GPC5: variants seen among roughly 807,000 people sequenced by gnomAD.
GPC5 encodes the protein glypican-5.
In GPC5, 47 loss-of-function variants were observed where a neutral mutation model predicts 53.9. The observed-to-expected ratio is 0.87, with a 90% CI of 0.69 to 1.11. The LOEUF is 1.11. GPC5 is among the 50% of genes most tolerant of loss of function. The pLI, the probability that GPC5 is intolerant of heterozygous loss-of-function variation, is 0.00. For synonymous variants in GPC5, 286 were observed against 263.3 expected, an observed-to-expected ratio of 1.09 and a Z score of -0.84; for missense variants, 748 against 713.1, an observed-to-expected ratio of 1.05 and a Z score of -0.56.
intron 7 of GPC5, among the ~76,000 whole-genome samples, chr13:92,640,443 G>A (rs1441544541): frequency 6.6e-6 from 1 of 151,992 alleles, no homozygotes; most frequent in Non-Finnish European, 1.5e-5. Context: ...TGTATTTTTA[G>A]TAGAGACGGA....
At chr13:92,042,634 G>T (rs2040950575) in intron 6 of GPC5, among the ~76,000 whole-genome samples, 2 of 152,158 alleles carry the variant, frequency 1.3e-5, no homozygotes, top group East Asian at 1.9e-4. Context: ...TGAGTGAGGG[G>T]TAATCAGATT....
At chr13:92,255,722 C>G (rs1328626280) in intron 7 of GPC5, among the ~76,000 whole-genome samples, 5 of 152,080 alleles carry the variant, frequency 3.3e-5, no homozygotes, top group Non-Finnish European at 5.9e-5. Context: ...TAAATTTCTG[C>G]AGTAACACAG....
At chr13:91,851,429 A>G (rs904131708) in intron 5 of GPC5, among the ~76,000 whole-genome samples, 2 of 152,102 alleles carry the variant, frequency 1.3e-5, no homozygotes, top group African/African-American at 4.8e-5. Context: ...GACCAAAGAC[A>G]TTACTGTACA....
chr13:91,714,425 C>G (rs2036291077), intron 3 of GPC5, among the ~76,000 whole-genome samples: 1 of 152,190 alleles, frequency 6.6e-6, no homozygotes, highest in Non-Finnish European at 1.5e-5. Flanking sequence ...CATTCAAGCT[C>G]TGTCCATTGA....
intron 6 of GPC5, among the ~76,000 whole-genome samples, chr13:92,053,311 C>T (rs530635878): frequency 7.6e-4 from 116 of 152,236 alleles, no homozygotes; most frequent in Admixed American, 2.7e-3. Context: ...TATCTCCCAC[C>T]GACGTCAAAG....
At chr13:92,720,696 C>G (rs1854519748) in intron 7 of GPC5, among the ~76,000 whole-genome samples, 1 of 151,908 alleles carries the variant, frequency 6.6e-6, no homozygotes, top group Non-Finnish European at 1.5e-5. Flanking sequence ...ATTCTTATGA[C>G]AAATGTGGTC....
At chr13:92,497,991 C>T (rs1437563539) in intron 7 of GPC5, among the ~76,000 whole-genome samples, 2 of 151,976 alleles carry the variant, frequency 1.3e-5, no homozygotes, top group Admixed American at 6.6e-5. Context: ...AGTTTTGGGG[C>T]TGAGATGATG....
intron 7 of GPC5, among the ~76,000 whole-genome samples, chr13:92,270,405 C>T (rs904621938): frequency 7.9e-5 from 12 of 152,104 alleles, no homozygotes; most frequent in Non-Finnish European, 1.3e-4. Context: ...GTGTGTAGCA[C>T]CTCCACACCT....
chr13:92,245,896 G>T, intron 7 of GPC5, among the ~76,000 whole-genome samples: 1 of 151,660 alleles, frequency 6.6e-6, no homozygotes, highest in Non-Finnish European at 1.5e-5. Flanking sequence ...AATTTTTTTG[G>T]TAATTGTCTT....
intron 2 of GPC5, among the ~76,000 whole-genome samples, chr13:91,619,922 T>C (rs2139357672): frequency 6.6e-6 from 1 of 152,298 alleles, no homozygotes; most frequent in African/African-American, 2.4e-5. Context: ...TTGTACTGAT[T>C]CATACATGGC....
intron 7 of GPC5, among the ~76,000 whole-genome samples, chr13:92,583,297 T>G (rs1234433052): frequency 6.6e-6 from 1 of 152,226 alleles, no homozygotes; most frequent in Non-Finnish European, 1.5e-5. Flanking sequence ...TATATTGATG[T>G]GTGTATGCTG....
chr13:91,810,505 C>G (rs1594584490), intron 5 of GPC5, among the ~76,000 whole-genome samples: 1 of 151,812 alleles, frequency 6.6e-6, no homozygotes, highest in Non-Finnish European at 1.5e-5. Context: ...TCTCTTTTTG[C>G]TGAATGAATT....
chr13:92,539,950 T>A (rs555419905), intron 7 of GPC5, among the ~76,000 whole-genome samples: 109 of 152,114 alleles, frequency 7.2e-4, no homozygotes, highest in African/African-American at 2.6e-3. Flanking sequence ...TAATTGATGG[T>A]AAGATTCTTT....
chr13:92,390,052 T>G (rs1429575218), intron 7 of GPC5, among the ~76,000 whole-genome samples: 1 of 152,102 alleles, frequency 6.6e-6, no homozygotes, highest in Non-Finnish European at 1.5e-5. Flanking sequence ...ATTAGAATTT[T>G]GTCTTGATTC....
At chr13:91,400,929 A>G (rs1876899330) in intron 1 of GPC5, among the ~76,000 whole-genome samples, 5 of 152,252 alleles carry the variant, frequency 3.3e-5, no homozygotes. Context: ...TACACATGAC[A>G]CACAAAAAAG....
At chr13:91,665,917 T>C (rs1409468251) in intron 2 of GPC5, among the ~76,000 whole-genome samples, 1 of 152,222 alleles carries the variant, frequency 6.6e-6, no homozygotes, top group Non-Finnish European at 1.5e-5. Context: ...GTACTAACAT[T>C]AAATTAGTCA....
At chr13:91,904,717 C>G (rs565405636) in intron 5 of GPC5, among the ~76,000 whole-genome samples, 3 of 152,066 alleles carry the variant, frequency 2.0e-5, no homozygotes, top group African/African-American at 7.2e-5. Context: ...AGGGAAATTC[C>G]TATGAGAGAA....
intron 7 of GPC5, among the ~76,000 whole-genome samples, chr13:92,157,511 A>C (rs971265111): frequency 1.3e-5 from 2 of 152,204 alleles, no homozygotes; most frequent in East Asian, 1.9e-4. Context: ...GGCTCCTTGA[A>C]AAAGAGAATC....
intron 2 of GPC5, among the ~76,000 whole-genome samples, chr13:91,635,895 C>T (rs563743163): frequency 1.6e-3 from 236 of 152,152 alleles, no homozygotes; most frequent in African/African-American, 5.2e-3. Flanking sequence ...GTAGAGTCTT[C>T]CTATTCAAGA....
Sources: gnomAD v4.1 joint callset for allele counts (sites outside exome capture counted in the v4.1 genomes callset) on GRCh38, gnomAD v4.1.1 for gene constraint, MANE v1.5 for transcripts, NCBI Gene and HGNC (gene_info 2026-07-23, HGNC 2026-07-21) for gene names.